The following PM20D2 variants were observed in gnomAD, a reference collection of about 807,000 sequenced individuals.
The protein encoded by PM20D2 is xaa-Arg dipeptidase.
A neutral mutation model predicts 42.9 loss-of-function variants in PM20D2; 33 were observed. That is an observed-to-expected ratio of 0.77 (90% CI 0.58 to 1.03). The LOEUF (loss-of-function observed/expected upper bound fraction) is 1.03. Ranked by LOEUF, PM20D2 falls within the 50% of genes least tolerant of loss-of-function variation. The pLI, the probability that PM20D2 is intolerant of heterozygous loss-of-function variation, is 0.00. For synonymous variants in PM20D2, 250 were observed against 228.2 expected (o/e 1.10, Z -0.86); for missense variants, 548 against 557.0 (o/e 0.98, Z 0.16).
chr6:89,132,730 C>T, the PM20D2 span, among the ~76,000 whole-genome samples: 12 of 150,378 alleles, frequency 8.0e-5, no homozygotes, highest in Non-Finnish European at 8.8e-5. Context: ...CCCAGCTACT[C>T]GGGAGGCTGA....
chr6:89,115,631 CTTT>C, the PM20D2 span, among the ~76,000 whole-genome samples: 22 of 129,000 alleles, frequency 1.7e-4, no homozygotes, highest in African/African-American at 3.7e-4. Flanking sequence ...TTTTTTCTTT[CTTT>C]TTTTTTTTTT....
At chr6:89,104,427 G>A in the PM20D2 span, among the ~76,000 whole-genome samples, 2 of 151,256 alleles carry the variant, frequency 1.3e-5, no homozygotes, top group Non-Finnish European at 2.9e-5. Flanking sequence ...TAGTAGAGGC[G>A]GGGTTTCATC....
At chr6:89,098,497 T>G in the PM20D2 span, 13 of 1,474,056 alleles carry the variant, frequency 8.8e-6, no homozygotes, top group Non-Finnish European at 8.1e-6. Context: ...ATTTTCTGTA[T>G]GCCTTAAAGA....
chr6:89,119,064 C>T, the PM20D2 span, among the ~76,000 whole-genome samples: 4 of 152,164 alleles, frequency 2.6e-5, no homozygotes, highest in African/African-American at 9.6e-5. Flanking sequence ...GAATACATGT[C>T]GTGGTCACCC....
At chr6:89,118,117 GC>G in the PM20D2 span, 1 of 151,752 alleles carries the variant, frequency 6.6e-6, no homozygotes, top group Non-Finnish European at 1.5e-5. Flanking sequence ...CGGCCCAGGG[GC>G]CGCGGGAATT....
chr6:89,111,036 C>T, the PM20D2 span, among the ~76,000 whole-genome samples: 3 of 151,970 alleles, frequency 2.0e-5, no homozygotes, highest in East Asian at 5.8e-4. Context: ...CACTTGAGCC[C>T]AGGAGTTTGA....
Position 89,146,269 on chromosome 6 carries a change from G to T in PM20D2, c.125G>T (p.Ser42Ile). The change falls in exon 1 of 7, where the codon AGC (serine) becomes ATC (isoleucine). Residue 42 changes from serine to isoleucine, a missense_variant. Physicochemically the swap from Ser to Ile is moderately radical, Grantham distance 142. This residue lies in a region of PM20D2 where 470 missense variants were observed against 464.4 expected (regional missense o/e 1.01). Coordinates refer to ENST00000275072, the MANE Select transcript of PM20D2 (RefSeq NM_001010853.3). ...DEAAERLGAL[S>I]RAIWSQPELA... ...GCGGCCGAGCGGCTGGGGGCCCTGAGCCGCGCGATCTGGAGCCAGCCCGAG... is the reference window on the plus strand; with the variant it reads ...GCGGCCGAGCGGCTGGGGGCCCTGATCCGCGCGATCTGGAGCCAGCCCGAG... The T allele has an allele frequency of 6.3e-7, 1 of 1,580,912 alleles. No individual in the cohort carries two copies. Among genetic ancestry groups the T allele is most frequent in the Non-Finnish European group, 8.5e-7 (1 of 1,171,674 alleles).
At chr6:89,104,259 C>T in the PM20D2 span, among the ~76,000 whole-genome samples, 22 of 134,926 alleles carry the variant, frequency 1.6e-4, no homozygotes, top group African/African-American at 3.2e-4. Flanking sequence ...TGTTTTGAGA[C>T]GGAGTCTCGC....
chr6:89,139,010 G>A, the PM20D2 span, among the ~76,000 whole-genome samples: 10 of 152,170 alleles, frequency 6.6e-5, no homozygotes, highest in Non-Finnish European at 1.0e-4. Context: ...TAGCAATGAT[G>A]AAATTTTTGT....
At chr6:89,156,786 A>G (rs1771063713) in intron 4 of PM20D2, among the ~76,000 whole-genome samples, 1 of 152,194 alleles carries the variant, frequency 6.6e-6, no homozygotes, top group South Asian at 2.1e-4. Context: ...AGCAAAGATA[A>G]GAATATAGAA....
the PM20D2 span, among the ~76,000 whole-genome samples, chr6:89,124,738 T>TG: frequency 7.2e-6 from 1 of 138,570 alleles, no homozygotes; most frequent in Non-Finnish European, 1.6e-5. Flanking sequence ...CTGTTGTTGT[T>TG]TTTTTTTTTT....
In PM20D2 at chr6:89,146,159, G is replaced by A. The variant is rs778212090; in HGVS notation, c.15G>A (p.Gly5=). Residue 5 remains glycine, a synonymous_variant, in exon 1 of 7, where the codon GGG becomes GGA. Coordinates refer to ENST00000275072, the MANE Select transcript of PM20D2 (RefSeq NM_001010853.3). MRPG[G]ERPVEGGACN... Reference sequence around the variant, plus strand: ...GCTTGGGCAGCATGAGGCCCGGAGGGGAGCGGCCCGTGGAAGGGGGCGCGT... The same window carrying A: ...GCTTGGGCAGCATGAGGCCCGGAGGAGAGCGGCCCGTGGAAGGGGGCGCGT... 2.0e-6 allele frequency: 3 copies of A among 1,510,806 alleles called. No homozygotes were observed. The Admixed American group carries it at 5.9e-5, about 30-fold the overall frequency. 93.6% of individuals were successfully genotyped at this position (1,510,806 alleles called of 1,614,324 possible).
chr6:89,156,259 A>G (rs1045767358), intron 4 of PM20D2, among the ~76,000 whole-genome samples: 1 of 152,206 alleles, frequency 6.6e-6, no homozygotes, highest in Non-Finnish European at 1.5e-5. Context: ...TTAGAATTAT[A>G]CAAGATAAGA....
intron 3 of PM20D2, among the ~76,000 whole-genome samples, chr6:89,154,106 T>A (rs2127778336): frequency 6.6e-6 from 1 of 152,358 alleles, no homozygotes; most frequent in South Asian, 2.1e-4. Flanking sequence ...TGCTTTAGTT[T>A]CTTTAAAAGG....
At chr6:89,139,250 T>C in the PM20D2 span, among the ~76,000 whole-genome samples, 2 of 152,140 alleles carry the variant, frequency 1.3e-5, no homozygotes, top group Non-Finnish European at 2.9e-5. Flanking sequence ...TAAATTTTTT[T>C]TGTGTGAGAA....
chr6:89,117,864 G>C, the PM20D2 span: 4 of 1,562,734 alleles, frequency 2.6e-6, no homozygotes, highest in South Asian at 3.5e-5. Context: ...GGGAGGTGTT[G>C]GGGGGCCTCG....
At chr6:89,101,234 TAC>T in the PM20D2 span, among the ~76,000 whole-genome samples, 5 of 151,930 alleles carry the variant, frequency 3.3e-5, no homozygotes, top group Admixed American at 6.6e-5. Flanking sequence ...ATGTATAGCA[TAC>T]AGTCACACAA....
chr6:89,164,491 A>G lies in PM20D2; in HGVS notation c.*2228A>G, dbSNP rs1339567335. ...TGTTGTAACAGAAGAGTGACAACCA[A>G]TAGTTTTTTGATCATTAAATCAAAT... On this transcript the variant is annotated 3_prime_UTR_variant, in exon 7 of 7. Coordinates refer to ENST00000275072, the MANE Select transcript of PM20D2 (RefSeq NM_001010853.3). 3 of 152,768 alleles carry G rather than the reference A, an allele frequency of 2.0e-5. No homozygotes were observed. In the East Asian group the frequency reaches 5.8e-4, roughly 29 times the overall value. 9.5% of individuals were successfully genotyped at this position (152,768 alleles called of 1,614,324 possible). A position where few individuals can be genotyped will look rare whatever the true frequency, so the allele number is the denominator to read the frequency against.
chr6:89,112,454 T>C, the PM20D2 span, among the ~76,000 whole-genome samples: 1 of 150,256 alleles, frequency 6.7e-6, no homozygotes, highest in Non-Finnish European at 1.5e-5. Flanking sequence ...TTTCTTTTTT[T>C]TTTTTTTTTG....
Sources: gnomAD v4.1 joint callset for allele counts (sites outside exome capture counted in the v4.1 genomes callset) on GRCh38, gnomAD v4.1.1 for gene constraint, gnomAD v4.1.1 regional missense constraint, MANE v1.5 for transcripts, NCBI Gene and HGNC (gene_info 2026-07-23, HGNC 2026-07-21) for gene names.